The following LMBR1 variants were observed in gnomAD, a reference collection of about 807,000 sequenced individuals.
The protein encoded by LMBR1 is limb development membrane protein 1.
LMBR1 carries 52 observed loss-of-function variants against 73.9 expected under a neutral mutation model. The ratio of observed to expected loss-of-function variants is 0.70; its 90% CI spans 0.56 to 0.89. The LOEUF (loss-of-function observed/expected upper bound fraction) is 0.89. LMBR1 is among the 40% of genes least tolerant of loss of function. The pLI is 0.00. For missense variants in LMBR1, 539 were observed against 579.8 expected (o/e 0.93, Z 0.72); for synonymous variants, 215 against 209.4 (o/e 1.03, Z -0.23).
intron 1 of LMBR1, among the ~76,000 whole-genome samples, chr7:156,848,804 G>A (rs1795851763): frequency 6.6e-6 from 1 of 151,904 alleles, no homozygotes; most frequent in South Asian, 2.1e-4. Flanking sequence ...GGTGGCAGGA[G>A]CCTGTGGTCC....
At chr7:156,829,631 CA>C (rs1292352283) in intron 3 of LMBR1, among the ~76,000 whole-genome samples, 1 of 152,192 alleles carries the variant, frequency 6.6e-6, no homozygotes, top group East Asian at 1.9e-4. Flanking sequence ...TATAGCAACA[CA>C]TAACAGACTA....
chr7:156,837,063 C>T (rs1471200093), intron 1 of LMBR1, among the ~76,000 whole-genome samples, 178 bp from the exon 2 acceptor site: 1 of 151,986 alleles, frequency 6.6e-6, no homozygotes, highest in Non-Finnish European at 1.5e-5. Flanking sequence ...GTGGCTCACA[C>T]CTGTAACCCC....
downstream of LMBR1, among the ~76,000 whole-genome samples, chr7:156,675,354 CT>C (rs1156893390): frequency 6.6e-6 from 1 of 152,178 alleles, no homozygotes; most frequent in East Asian, 1.9e-4. Context: ...CTGTGACCCA[CT>C]TTAGGGGTGG....
At chr7:156,836,970 GA>G in intron 1 of LMBR1, 85 bp from the exon 2 acceptor site, 8 of 862,706 alleles carry the variant, frequency 9.3e-6, no homozygotes, top group Non-Finnish European at 1.4e-5. Context: ...ATATTTATAG[GA>G]AAAAAGGATT....
At position 156,679,108 on chromosome 7, in the gene LMBR1, T is replaced by G. The variant is rs146046680; in HGVS notation, c.*4970A>C. The G allele has an allele frequency of 8.0e-4, 122 of 152,332 alleles. 1 individual carries two copies. The highest frequency in any genetic ancestry group is 2.9e-3 in the African/African-American group (119 of 41,558). The allele number at this position is 152,332 out of a possible 1,614,324, so 9.4% of individuals were successfully genotyped here. On this transcript the variant is annotated 3_prime_UTR_variant, in exon 17 of 17. Coordinates refer to ENST00000353442, the MANE Select transcript of LMBR1 (RefSeq NM_022458.4). ...TTACATCCAGTTCATCTGCCCACTG[T>G]AAGCGTGACCCCAGGCAAATGTCTG...
chr7:156,757,707 T>C (rs1297212124), intron 8 of LMBR1, among the ~76,000 whole-genome samples: 2 of 152,234 alleles, frequency 1.3e-5, no homozygotes, highest in African/African-American at 2.4e-5. Context: ...AAACCATATA[T>C]ACATCTCCTT....
At chr7:156,851,098 C>G (rs1211926902) in intron 1 of LMBR1, among the ~76,000 whole-genome samples, 1 of 152,074 alleles carries the variant, frequency 6.6e-6, no homozygotes, top group Non-Finnish European at 1.5e-5. Flanking sequence ...AAGCAGATGC[C>G]GGCAATATGC....
chr7:156,828,784 A>T (rs1324283978), intron 3 of LMBR1, among the ~76,000 whole-genome samples: 1 of 152,174 alleles, frequency 6.6e-6, no homozygotes, highest in African/African-American at 2.4e-5. Flanking sequence ...CTTAACCCCC[A>T]TCATCAGTGA....
At chr7:156,822,939 C>T (rs1295888169) in intron 4 of LMBR1, 1 of 149,702 alleles carries the variant, frequency 6.7e-6, no homozygotes, top group Non-Finnish European at 1.5e-5. Flanking sequence ...GTGAAACCCC[C>T]TGTCTCTACT....
chr7:156,844,205 T>C (rs889446845), intron 1 of LMBR1, among the ~76,000 whole-genome samples: 1 of 151,842 alleles, frequency 6.6e-6, no homozygotes, highest in African/African-American at 2.4e-5. Flanking sequence ...ACGCCTGTAA[T>C]ACTAGCTACT....
intron 4 of LMBR1, among the ~76,000 whole-genome samples, chr7:156,799,473 G>A (rs1055521180): frequency 2.8e-4 from 43 of 152,078 alleles, no homozygotes; most frequent in African/African-American, 1.0e-3. Context: ...TTGTTTGGGG[G>A]CGCTGCAAAT....
chr7:156,771,126 A>C (rs556011355), intron 5 of LMBR1, among the ~76,000 whole-genome samples: 4 of 152,220 alleles, frequency 2.6e-5, no homozygotes, highest in African/African-American at 9.6e-5. Flanking sequence ...AAAGAATACC[A>C]AGTATAACTG....
Position 156,679,509 on chromosome 7 carries a change from T to C in LMBR1, c.*4569A>G, listed in dbSNP as rs941158450. On this transcript the variant is annotated 3_prime_UTR_variant, in exon 17 of 17. Transcript: ENST00000353442. ...AAGTTGCAGAATCAATATAAATAGC[T>C]ACAGCAGTATCAAATATGCTTGGTT... 1.1e-4 allele frequency: 13 copies of C among 123,554 alleles called. No homozygotes were observed. Among genetic ancestry groups the C allele is most frequent in the African/African-American group, 3.4e-4 (11 of 31,982 alleles). The allele number at this position is 123,554 out of a possible 1,614,324, so 7.7% of individuals were successfully genotyped here.
intron 4 of LMBR1, among the ~76,000 whole-genome samples, chr7:156,798,922 G>T (rs577892019): frequency 6.6e-6 from 1 of 152,098 alleles, no homozygotes; most frequent in African/African-American, 2.4e-5. Context: ...GGCCGGGCAT[G>T]GTGGCTCATA....
rs113255002 is a variant in LMBR1 at position 156,863,467 on chromosome 7, C to T, written c.67-26582G>A. The stretch of plus-strand genomic sequence containing the variant: ...CTCAAATGTTAATCTCCTTTGGCAA[C>T]GCCCTCACAGACACACCCAGGATCA... On this transcript the variant is annotated intron_variant, in intron 1 of 16. Coordinates refer to ENST00000353442, the MANE Select transcript of LMBR1 (RefSeq NM_022458.4). 1.5e-3 allele frequency among the ~76,000 whole-genome samples: 223 copies of T among 152,234 alleles called. 3 individuals are homozygous for T. Among genetic ancestry groups the T allele is most frequent in the South Asian group, 0.013 (65 of 4,822 alleles).
At chr7:156,781,221 C>T (rs556665449) in intron 5 of LMBR1, among the ~76,000 whole-genome samples, 1 of 152,128 alleles carries the variant, frequency 6.6e-6, no homozygotes. Context: ...AGCAATGCCA[C>T]GTGACAATTT....
At chr7:156,686,148 A>C (rs1805962848) in intron 16 of LMBR1, among the ~76,000 whole-genome samples, 1 of 152,198 alleles carries the variant, frequency 6.6e-6, no homozygotes, top group Admixed American at 6.5e-5. Flanking sequence ...AGCTGAAATG[A>C]AGGCACCCTT....
chr7:156,813,341 C>T (rs11771560), intron 4 of LMBR1, among the ~76,000 whole-genome samples: 67,020 of 151,960 alleles, frequency 0.44, 14,957 homozygotes, highest in East Asian at 0.61. Flanking sequence ...AATGGATTTG[C>T]TGATCATAGA....
intron 1 of LMBR1, among the ~76,000 whole-genome samples, chr7:156,874,060 T>C (rs1012370080): frequency 6.6e-6 from 1 of 152,182 alleles, no homozygotes; most frequent in African/African-American, 2.4e-5. Flanking sequence ...CAGGGGGTGG[T>C]GCTCGTCGGG....
Sources: gnomAD v4.1 joint callset for allele counts (sites outside exome capture counted in the v4.1 genomes callset) on GRCh38, gnomAD v4.1.1 for gene constraint, MANE v1.5 for transcripts, NCBI Gene and HGNC (gene_info 2026-07-23, HGNC 2026-07-21) for gene names.